NEBL: variants seen among roughly 807,000 people sequenced by gnomAD.
NEBL encodes the protein nebulette, also known as LIM and SH3 protein 2.
In NEBL, 122 loss-of-function variants were observed where a neutral mutation model predicts 140.2. The observed-to-expected ratio is 0.87, with a 90% CI of 0.75 to 1.01. The LOEUF is 1.01. Ranked by LOEUF, NEBL falls within the 50% of genes least tolerant of loss-of-function variation. The pLI, the probability that NEBL is intolerant of heterozygous loss-of-function variation, is 0.00. For missense variants in NEBL, 1,365 were observed against 1,231.3 expected (o/e 1.11, Z -1.62); for synonymous variants, 436 against 398.9 (o/e 1.09, Z -1.11).
intron 18 of NEBL, among the ~76,000 whole-genome samples, chr10:20,824,870 A>G (rs936271093): frequency 6.6e-6 from 1 of 152,218 alleles, no homozygotes; most frequent in Non-Finnish European, 1.5e-5. Context: ...ATAATATTAA[A>G]CCACAGTACA....
At chr10:20,971,856 G>A (rs1000182687) in intron 3 of NEBL, among the ~76,000 whole-genome samples, 3 of 151,854 alleles carry the variant, frequency 2.0e-5, no homozygotes, top group South Asian at 4.2e-4. Flanking sequence ...CTCGTGATCC[G>A]CCTGCCTCGG....
At chr10:21,268,896 C>G (rs1229340401) in intron 1 of NEBL, among the ~76,000 whole-genome samples, 1 of 152,164 alleles carries the variant, frequency 6.6e-6, no homozygotes, top group Non-Finnish European at 1.5e-5. Context: ...GCATACAACT[C>G]ATAAGGTGAT....
chr10:20,973,260 T>TC (rs1836659044), intron 3 of NEBL, among the ~76,000 whole-genome samples: 1 of 151,800 alleles, frequency 6.6e-6, no homozygotes, highest in African/African-American at 2.4e-5. Flanking sequence ...TTTTTTTTTT[T>TC]TTAAGAGACA....
At chr10:21,246,369 T>G (rs971210656) in intron 3 of NEBL, among the ~76,000 whole-genome samples, 1 of 152,206 alleles carries the variant, frequency 6.6e-6, no homozygotes, top group Admixed American at 6.5e-5. Flanking sequence ...GTATTAACCT[T>G]AGAAAAGGAA....
rs1430856878 is a variant in NEBL at position 20,831,484 on chromosome 10, T to C, written c.1549A>G (p.Met517Val). Residue 517 changes from methionine (M) to valine (V), a missense_variant, in exon 15 of 28, where the codon ATG (methionine) becomes GTG (valine). Coordinates refer to ENST00000377122, the MANE Select transcript of NEBL (RefSeq NM_006393.3). ...TGCTGCTGTCTTACCTGGCTGGCCA[T>C]CTCGGATGCTTTCTTAGCTCTCTGG... ...DVQRAKKASE[M>V]ASQKQYKKDL... The C allele has an allele frequency of 1.2e-6, 2 of 1,609,016 alleles. No homozygotes were observed. The highest frequency in any genetic ancestry group is 2.7e-5 in the African/African-American group (2 of 74,486).
chr10:20,781,256 TTTGCAAAACATTCAATGTTTTCTTC>T lies in NEBL; in HGVS notation c.*4466_*4490del, dbSNP rs1835019636. On this transcript the variant is annotated 3_prime_UTR_variant, in exon 28 of 28. Transcript: ENST00000377122. ...TGTAACATTCCGTGAAGCCCCTTCA[TTTGCAAAACATTCAATGTTTTCTTC>T]AAAACTGTTACACTCTCAAAGTTAG... 6.6e-6 allele frequency: 1 copy of T among 152,660 alleles called. No homozygotes were observed. The highest frequency in any genetic ancestry group is 1.5e-5 in the Non-Finnish European group (1 of 68,032). 9.5% of individuals were successfully genotyped at this position (152,660 alleles called of 1,614,324 possible).
Position 20,889,887 on chromosome 10 carries a change from A to T in NEBL, c.216T>A (p.Pro72=). The change falls in exon 3 of 28, where the codon CCT becomes CCA. Residue 72 remains proline, a synonymous_variant. Transcript: ENST00000377122. ...CGATATTTTTTACATGGTTTAGCAT[A>T]GGACTGTCAGTCACAAATGTACACT... is the stretch of plus-strand genomic sequence containing the variant. ...KDKCTFVTDS[P]MLNHVKNIGA... is the part of the protein sequence containing the mutation. The T allele has an allele frequency of 6.2e-7, 1 of 1,613,140 alleles. No individual in the cohort carries two copies.
chr10:21,203,260 T>TTC (rs1237982099), intron 3 of NEBL, among the ~76,000 whole-genome samples: 17 of 152,180 alleles, frequency 1.1e-4, no homozygotes, highest in African/African-American at 4.1e-4. Flanking sequence ...TCCCAAGACG[T>TTC]TCTCTGTACA....
chr10:20,902,564 T>C (rs941036101), intron 4 of NEBL, among the ~76,000 whole-genome samples: 8 of 151,812 alleles, frequency 5.3e-5, no homozygotes, highest in Non-Finnish European at 1.0e-4. Context: ...AATTTCCAGG[T>C]TGGGTGTGGT....
chr10:21,204,138 C>T lies in NEBL; in HGVS notation n.349-31661G>A, dbSNP rs188756677. Among the ~76,000 whole-genome samples, 356 of 152,214 alleles carry T rather than the reference C, an allele frequency of 2.3e-3. 1 individual carries two copies. Among genetic ancestry groups the T allele is most frequent in the African/African-American group, 8.1e-3 (335 of 41,520 alleles). On this transcript the variant is annotated intron_variant and non_coding_transcript_variant, in intron 3 of 8. Coordinates refer to the NEBL transcript ENST00000675702. ...AGGGGTCTTCAATGAACAGGTTACC[C>T]CTGTGAGCACCTGAACTTCAGTCCT...
intron 3 of NEBL, among the ~76,000 whole-genome samples, chr10:20,989,838 G>A (rs926544194): frequency 3.3e-5 from 5 of 152,094 alleles, no homozygotes; most frequent in Admixed American, 3.3e-4. Flanking sequence ...GTTGGGGGGT[G>A]GGCTGTGGAT....
At chr10:21,142,289 C>A (rs2132100796) in intron 2 of NEBL, among the ~76,000 whole-genome samples, 1 of 152,228 alleles carries the variant, frequency 6.6e-6, no homozygotes, top group East Asian at 1.9e-4. Context: ...TTGCACCAGC[C>A]CTGTCTACTA....
At chr10:20,979,497 G>A (rs377262453) in intron 3 of NEBL, among the ~76,000 whole-genome samples, 44 of 152,090 alleles carry the variant, frequency 2.9e-4, no homozygotes, top group African/African-American at 8.7e-4. Flanking sequence ...TGTTTTACTC[G>A]TATAATTCTC....
At chr10:21,227,128 T>C (rs889976652) in intron 3 of NEBL, among the ~76,000 whole-genome samples, 7 of 152,186 alleles carry the variant, frequency 4.6e-5, no homozygotes, top group Non-Finnish European at 2.9e-5. Context: ...TTAAGCTTTT[T>C]TCCCCCCATT....
chr10:21,106,285 G>C (rs541208997), intron 2 of NEBL, among the ~76,000 whole-genome samples: 341 of 152,310 alleles, frequency 2.2e-3, no homozygotes, highest in African/African-American at 7.3e-3. Context: ...GAATGGTATT[G>C]CCTAGGTTTT....
chr10:21,167,576 G>C lies in NEBL; in HGVS notation c.164+4807C>G, dbSNP rs540129016. 1.5e-4 allele frequency among the ~76,000 whole-genome samples: 23 copies of C among 152,208 alleles called. 1 individual carries two copies. In the South Asian group the frequency reaches 4.6e-3, roughly 30 times the overall value. ...GTCTTGGCAATGCTACTTCTAAGTG[G>C]TAATACCTCTCAAGAAATTTTAAGA... On this transcript the variant is annotated intron_variant, in intron 2 of 6. Coordinates refer to the NEBL transcript ENST00000417816.
At chr10:21,130,229 T>TG (rs1441398699) in intron 2 of NEBL, among the ~76,000 whole-genome samples, 3 of 152,046 alleles carry the variant, frequency 2.0e-5, no homozygotes, top group Non-Finnish European at 4.4e-5. Flanking sequence ...ATGCACCTAA[T>TG]GACAGAGCAT....
intron 26 of NEBL, among the ~76,000 whole-genome samples, chr10:20,790,292 T>C (rs1348728099): frequency 6.6e-6 from 1 of 151,742 alleles, no homozygotes; most frequent in Non-Finnish European, 1.5e-5. Context: ...ATAAAAGAGT[T>C]TTTAGGGAAC....
chr10:21,028,252 A>AGG (rs56366109), intron 2 of NEBL, among the ~76,000 whole-genome samples: 3 of 102,994 alleles, frequency 2.9e-5, no homozygotes, highest in Non-Finnish European at 6.5e-5. Context: ...AAAAAAAAAA[A>AGG]AAAAGAAGAA....
Sources: allele counts gnomAD v4.1 joint callset (sites outside exome capture counted in the v4.1 genomes callset), GRCh38; gene constraint gnomAD v4.1.1; transcripts MANE v1.5; gene names NCBI Gene and HGNC (gene_info 2026-07-23, HGNC 2026-07-21).